Variants in BRMS1L observed in about 807,000 individuals in gnomAD.
BRMS1L encodes BRMS1 like transcriptional repressor.
BRMS1L carries 23 observed loss-of-function variants against 50.3 expected under a neutral mutation model. The observed-to-expected ratio is 0.46, with a 90% CI of 0.33 to 0.65. The LOEUF (loss-of-function observed/expected upper bound fraction) is 0.65. Among genes scored for constraint, BRMS1L ranks in the 30% least tolerant of loss-of-function variants. The pLI, the probability that BRMS1L is intolerant of heterozygous loss-of-function variation, is 0.02. For synonymous variants in BRMS1L, 114 were observed against 126.9 expected (o/e 0.90, Z 0.69); for missense variants, 286 against 386.1 (o/e 0.74, Z 2.17).
chr14:35,829,660 A>G (rs970380482), intron 1 of BRMS1L: 11 of 328,950 alleles, frequency 3.3e-5, no homozygotes, highest in Non-Finnish European at 6.2e-5. Flanking sequence ...TTGAGGGACC[A>G]AGTTTTGAGT....
chr14:35,865,603 T>C, intron 7 of BRMS1L, 119 bp from the exon 8 acceptor site: 1 of 774,538 alleles, frequency 1.3e-6, no homozygotes, highest in South Asian at 1.7e-5. Context: ...ATGGTTATAC[T>C]TTACTGTCTT....
chr14:35,832,890 T>C, intron 2 of BRMS1L, 88 bp from the exon 3 acceptor site: 7 of 1,146,594 alleles, frequency 6.1e-6, no homozygotes, highest in South Asian at 4.7e-5. Flanking sequence ...ATATAAATGA[T>C]ATTGGGAACA....
At chr14:35,855,185 C>T (rs965644915) in intron 4 of BRMS1L, among the ~76,000 whole-genome samples, 2 of 152,178 alleles carry the variant, frequency 1.3e-5, no homozygotes, top group Admixed American at 1.3e-4. Context: ...TTTAAGGAAG[C>T]CACAGCTTCA....
intron 3 of BRMS1L, 128 bp downstream of exon 3, chr14:35,833,233 A>G: frequency 1.0e-6 from 1 of 954,190 alleles, no homozygotes; most frequent in Non-Finnish European, 1.5e-6. Flanking sequence ...AGAATATTTT[A>G]CTTTTAGTTA....
At chr14:35,851,265 T>A (rs1258586597) in intron 4 of BRMS1L, among the ~76,000 whole-genome samples, 1 of 152,084 alleles carries the variant, frequency 6.6e-6, no homozygotes, top group African/African-American at 2.4e-5. Flanking sequence ...AGGAGAAAGG[T>A]TGAATAAACT....
chr14:35,861,472 A>G (rs1281947589), intron 4 of BRMS1L, among the ~76,000 whole-genome samples: 2 of 152,192 alleles, frequency 1.3e-5, no homozygotes, highest in Non-Finnish European at 2.9e-5. Flanking sequence ...GCAGCACAAT[A>G]TAGATAAAGC....
At chr14:35,850,368 T>G (rs1302851408) in intron 4 of BRMS1L, among the ~76,000 whole-genome samples, 1 of 151,970 alleles carries the variant, frequency 6.6e-6, no homozygotes, top group Admixed American at 6.6e-5. Flanking sequence ...CCACCATGCC[T>G]GGCTAATTTT....
chr14:35,858,943 AT>A (rs199798027), intron 4 of BRMS1L, among the ~76,000 whole-genome samples: 3,552 of 134,192 alleles, frequency 0.026, 105 homozygotes, highest in South Asian at 0.15. Context: ...TATCTTACCC[AT>A]TTTTTTTTTT....
intron 4 of BRMS1L, among the ~76,000 whole-genome samples, chr14:35,840,296 A>G (rs1183747421): frequency 2.0e-5 from 3 of 152,146 alleles, no homozygotes; most frequent in Non-Finnish European, 4.4e-5. Flanking sequence ...GGATTTTCAT[A>G]TCGATGTTTA....
chr14:35,842,381 A>C (rs1042180227), intron 4 of BRMS1L, among the ~76,000 whole-genome samples: 28 of 152,280 alleles, frequency 1.8e-4, no homozygotes, highest in Middle Eastern at 3.4e-3. Context: ...AGTGGTGACA[A>C]AATCTCTCAG....
At chr14:35,843,627 T>C (rs1053187554) in intron 4 of BRMS1L, among the ~76,000 whole-genome samples, 2 of 152,208 alleles carry the variant, frequency 1.3e-5, no homozygotes, top group Non-Finnish European at 2.9e-5. Context: ...CCACCCCGGC[T>C]GGGAGGTGTC....
intron 4 of BRMS1L, among the ~76,000 whole-genome samples, chr14:35,855,889 T>C (rs560714415): frequency 6.6e-6 from 1 of 152,232 alleles, no homozygotes; most frequent in Non-Finnish European, 1.5e-5. Flanking sequence ...TAACTGAGGC[T>C]AATAGATGTT....
intron 8 of BRMS1L, 144 bp from the exon 9 acceptor site, chr14:35,867,762 A>G: frequency 1.5e-6 from 1 of 672,344 alleles, no homozygotes; most frequent in Admixed American, 3.5e-5. Flanking sequence ...AAATCTTTTT[A>G]TTACATTTTA....
chr14:35,865,758 G>A lies in BRMS1L; in HGVS notation c.724G>A (p.Glu242Lys), dbSNP rs1163653480. The change falls in exon 8 of 10, where the codon GAA becomes AAA. Residue 242 changes from glutamate to lysine, a missense_variant. By Grantham distance (56) the Glu-to-Lys change is moderately conservative (BLOSUM62 1). Around this residue, in one of 5 missense-constraint regions of BRMS1L, gnomAD observed 160 missense variants for 240.6 expected, o/e 0.66. Transcript: ENST00000216807. The part of the protein sequence containing the change: ...ATLGPHRVKT[E>K]PPVKLEKHLH... ...ATTGGGGCCACACAGAGTGAAAACG[G>A]AACGTAAGTCATTTAGTCTGAGTTG... is the stretch of plus-strand genomic sequence containing the variant. 2 of 1,601,736 alleles carry A rather than the reference G, an allele frequency of 1.2e-6. No individual in the cohort carries two copies. The highest frequency in any genetic ancestry group is 3.5e-5 in the Admixed American group (2 of 57,864).
intron 6 of BRMS1L, 72 bp downstream of exon 6, chr14:35,864,025 T>G (rs1439368773): frequency 8.7e-7 from 1 of 1,149,626 alleles, no homozygotes; most frequent in Admixed American, 2.0e-5. Context: ...CTTTATAACT[T>G]TTATTTGTAA....
intron 3 of BRMS1L, 33 bp from the exon 4 acceptor site, chr14:35,834,811 T>C: frequency 7.2e-7 from 1 of 1,397,944 alleles, no homozygotes; most frequent in African/African-American, 1.4e-5. Flanking sequence ...TTCTCATTGC[T>C]AACATAATCA....
At chr14:35,834,992 A>G in intron 4 of BRMS1L, 69 bp downstream of exon 4, 4 of 1,179,898 alleles carry the variant, frequency 3.4e-6, no homozygotes, top group Non-Finnish European at 4.7e-6. Context: ...GTAGTAGTTA[A>G]AAAAGTAAAC....
intron 4 of BRMS1L, among the ~76,000 whole-genome samples, chr14:35,842,546 G>A (rs1300675280): frequency 2.0e-5 from 3 of 152,148 alleles, no homozygotes; most frequent in Non-Finnish European, 2.9e-5. Context: ...AGAGAGATCC[G>A]CTGTTAGTCT....
chr14:35,837,910 C>T (rs1206781151), intron 4 of BRMS1L, among the ~76,000 whole-genome samples: 2 of 152,060 alleles, frequency 1.3e-5, no homozygotes, highest in Non-Finnish European at 2.9e-5. Flanking sequence ...TTCTAGGATA[C>T]GTGTGCAGAA....
Sources: allele counts gnomAD v4.1 joint callset (sites outside exome capture counted in the v4.1 genomes callset), GRCh38; gene constraint gnomAD v4.1.1; regional missense constraint gnomAD v4.1.1; transcripts MANE v1.5; gene names NCBI Gene and HGNC (gene_info 2026-07-23, HGNC 2026-07-21).